DOCK9: variants seen among roughly 807,000 people sequenced by gnomAD.
DOCK9 encodes dedicator of cytokinesis 9, also known as dedicator of cytokinesis protein 9.
Under a neutral mutation model 263.3 loss-of-function variants are expected in DOCK9, and 89 were observed. The observed-to-expected ratio is 0.34, with a 90% CI of 0.28 to 0.40. The LOEUF (loss-of-function observed/expected upper bound fraction) is 0.40, where lower values mean the gene tolerates loss of function less well. DOCK9 is among the 10% of genes least tolerant of loss of function. DOCK9 has a pLI of 1.00. For missense variants in DOCK9, 2,140 were observed against 2,603.4 expected (o/e 0.82, Z 3.87); for synonymous variants, 976 against 973.1 (o/e 1.00, Z -0.06).
At chr13:98,951,121 G>C (rs545209608) in intron 2 of DOCK9, among the ~76,000 whole-genome samples, 1 of 152,194 alleles carries the variant, frequency 6.6e-6, no homozygotes, top group South Asian at 2.1e-4. Context: ...CATGGAAAAA[G>C]TAAGTTCTCA....
chr13:98,863,150 A>C lies in DOCK9; in HGVS notation c.3466-18T>G. The C allele has an allele frequency of 1.3e-6, 2 of 1,587,670 alleles. No homozygotes were observed. Among genetic ancestry groups the C allele is most frequent in the Non-Finnish European group, 8.6e-7 (1 of 1,165,158 alleles). On this transcript the variant is annotated intron_variant, in intron 31 of 52. Transcript: ENST00000682017. ...TGATGGCTCTGAAAAGAAGACACAC[A>C]TGGTAAGTTTGACCCAGGATTCTGA...
intron 1 of DOCK9, among the ~76,000 whole-genome samples, chr13:98,992,563 G>A (rs935323987): frequency 1.3e-5 from 2 of 152,140 alleles, no homozygotes; most frequent in African/African-American, 2.4e-5. Flanking sequence ...CATGGGGCCA[G>A]GTTTTTCCCC....
intron 12 of DOCK9, 148 bp from the exon 13 acceptor site, chr13:98,902,048 A>T (rs1566911475): frequency 8.9e-7 from 1 of 1,119,948 alleles, no homozygotes; most frequent in Non-Finnish European, 1.2e-6. Context: ...ACAGTTCATC[A>T]TCTGCTCAAA....
intron 2 of DOCK9, among the ~76,000 whole-genome samples, chr13:98,946,032 C>CAGGAGCCTGCT (rs1595544822): frequency 6.6e-6 from 1 of 152,136 alleles, no homozygotes; most frequent in East Asian, 1.9e-4. Flanking sequence ...GGTCCCAAGC[C>CAGGAGCCTGCT]TCGCGGGGGA....
chr13:98,798,874 T>C (rs2089770437), intron 50 of DOCK9, among the ~76,000 whole-genome samples: 1 of 152,358 alleles, frequency 6.6e-6, no homozygotes, highest in African/African-American at 2.4e-5. Flanking sequence ...AAGTTTACCA[T>C]CAAATTAGCA....
intron 38 of DOCK9, chr13:98,845,508 T>C: frequency 2.2e-6 from 1 of 459,194 alleles, no homozygotes; most frequent in Admixed American, 4.1e-5. Context: ...ATGTGGACGC[T>C]TGATCAATTA....
At chr13:99,082,052 TA>T (rs890979320) in intron 1 of DOCK9, among the ~76,000 whole-genome samples, 1 of 150,478 alleles carries the variant, frequency 6.6e-6, no homozygotes, top group Non-Finnish European at 1.5e-5. Context: ...ACCCCATCTC[TA>T]AAAAAAAATA....
At chr13:98,952,043 G>T (rs2057493596) in intron 2 of DOCK9, among the ~76,000 whole-genome samples, 1 of 151,076 alleles carries the variant, frequency 6.6e-6, no homozygotes, top group Non-Finnish European at 1.5e-5. Flanking sequence ...GATTATAGGT[G>T]CCCACCACCA....
At chr13:99,062,797 C>T (rs1464473983) in intron 1 of DOCK9, among the ~76,000 whole-genome samples, 1 of 152,214 alleles carries the variant, frequency 6.6e-6, no homozygotes, top group Non-Finnish European at 1.5e-5. Context: ...AAAAGCTGCA[C>T]CATTCTCTCC....
chr13:98,921,731 G>A (rs1303702297), intron 6 of DOCK9, among the ~76,000 whole-genome samples: 2 of 152,182 alleles, frequency 1.3e-5, no homozygotes, highest in Non-Finnish European at 1.5e-5. Flanking sequence ...TGGCATGACA[G>A]ATAGCCCCTT....
intron 36 of DOCK9, among the ~76,000 whole-genome samples, chr13:98,848,921 G>A (rs1346161078): frequency 1.3e-5 from 2 of 152,126 alleles, no homozygotes; most frequent in South Asian, 2.1e-4. Context: ...CGACAGGATC[G>A]TCCATCGACT....
Position 98,902,451 on chromosome 13 carries a change from T to C in DOCK9, c.1217A>G (p.Lys406Arg). The change falls in exon 12 of 53, where the codon AAA (lysine) becomes AGA (arginine). Residue 406 changes from lysine (K) to arginine (R), a missense_variant. Around this residue, in one of 2 missense-constraint regions of DOCK9, gnomAD observed 1,521 missense variants for 1,741.7 expected, o/e 0.87. Coordinates refer to ENST00000682017, the MANE Select transcript of DOCK9 (RefSeq NM_001366683.2). ...FFVTLSLFDI[K>R]YNRKISADFH... ...ATCGGCAGAAATCTTCCGGTTGTAT[T>C]TTATGTCAAACAGGGATAGAGTAAC... 1.2e-6 allele frequency: 2 copies of C among 1,614,032 alleles called. No individual in the cohort carries two copies. Among genetic ancestry groups the C allele is most frequent in the Non-Finnish European group, 1.7e-6 (2 of 1,179,882 alleles).
intron 2 of DOCK9, among the ~76,000 whole-genome samples, chr13:98,935,374 A>G (rs1369735658): frequency 6.6e-6 from 1 of 152,228 alleles, no homozygotes; most frequent in Non-Finnish European, 1.5e-5. Context: ...CTTGAATTAA[A>G]CAACACTAAA....
chr13:98,795,183 C>G (rs1352663274), intron 52 of DOCK9, among the ~76,000 whole-genome samples: 7 of 152,334 alleles, frequency 4.6e-5, no homozygotes, highest in Non-Finnish European at 1.0e-4. Context: ...AACGTGAGGT[C>G]TACTTACATG....
intron 1 of DOCK9, among the ~76,000 whole-genome samples, chr13:99,027,653 C>A (rs955817931): frequency 1.3e-5 from 2 of 152,172 alleles, no homozygotes; most frequent in East Asian, 3.8e-4. Flanking sequence ...TCCAAAAATA[C>A]AATTGCAATT....
chr13:99,046,727 T>C (rs980087506), intron 1 of DOCK9, among the ~76,000 whole-genome samples: 1 of 152,248 alleles, frequency 6.6e-6, no homozygotes, highest in African/African-American at 2.4e-5. Flanking sequence ...GAGTATAAGC[T>C]CAGATGTCAA....
At chr13:98,860,564 A>T (rs1335992654) in intron 32 of DOCK9, 42 bp from the exon 33 acceptor site, 1 of 1,515,182 alleles carries the variant, frequency 6.6e-7, no homozygotes, top group Non-Finnish European at 8.9e-7. Flanking sequence ...AGATGACTGG[A>T]AAGGATTCCT....
intron 2 of DOCK9, among the ~76,000 whole-genome samples, chr13:98,936,669 A>G (rs561750872): frequency 1.3e-5 from 2 of 152,166 alleles, no homozygotes; most frequent in East Asian, 1.9e-4. Flanking sequence ...AAAGCAGTCA[A>G]TGGAGACAGA....
intron 15 of DOCK9, among the ~76,000 whole-genome samples, chr13:98,894,872 G>A (rs2047142394): frequency 1.3e-5 from 2 of 148,324 alleles, no homozygotes; most frequent in African/African-American, 5.0e-5. Context: ...ACTTTGGGAA[G>A]CTGAGGCGGG....
Sources: gnomAD v4.1 joint callset for allele counts (sites outside exome capture counted in the v4.1 genomes callset) on GRCh38, gnomAD v4.1.1 for gene constraint, gnomAD v4.1.1 regional missense constraint, MANE v1.5 for transcripts, NCBI Gene and HGNC (gene_info 2026-07-23, HGNC 2026-07-21) for gene names.